Variants in LIFR observed in about 807,000 individuals in gnomAD.
LIFR encodes leukemia inhibitory factor receptor.
LIFR carries 84 observed loss-of-function variants against 122.2 expected under a neutral mutation model. The ratio of observed to expected loss-of-function variants is 0.69; its 90% CI spans 0.58 to 0.82. The LOEUF is 0.82. LIFR is among the 40% of genes least tolerant of loss of function. The pLI, the probability that LIFR is intolerant of heterozygous loss-of-function variation, is 0.00. For synonymous variants in LIFR, 422 were observed against 434.7 expected (o/e 0.97, Z 0.36); for missense variants, 1,294 against 1,311.6 (o/e 0.99, Z 0.21).
intron 13 of LIFR, among the ~76,000 whole-genome samples, chr5:38,494,373 C>G (rs540284065): frequency 6.6e-6 from 1 of 151,950 alleles, no homozygotes; most frequent in Non-Finnish European, 1.5e-5. Flanking sequence ...GTGGAGACAC[C>G]CAGAGGCGAT....
At chr5:38,568,582 G>A (rs1023355879) in intron 1 of LIFR, among the ~76,000 whole-genome samples, 1 of 152,156 alleles carries the variant, frequency 6.6e-6, no homozygotes, top group Non-Finnish European at 1.5e-5. Context: ...AGATTATAGG[G>A]GTCAAGAAGA....
intron 11 of LIFR, among the ~76,000 whole-genome samples, chr5:38,500,859 T>C (rs1477590486): frequency 2.6e-5 from 4 of 152,128 alleles, no homozygotes; most frequent in African/African-American, 4.8e-5. Flanking sequence ...GACATAATGG[T>C]ATGTTACTTC....
rs951348872 is a variant in LIFR, at chr5:38,556,631, C to G, written c.-317G>C. 6.8e-6 allele frequency: 1 copy of G among 148,022 alleles called. No homozygotes were observed. Among genetic ancestry groups the G allele is most frequent in the Non-Finnish European group, 1.5e-5 (1 of 66,520 alleles). The allele number at this position is 148,022 out of a possible 1,614,324, so 9.2% of individuals were successfully genotyped here. ...GTAACGGCCACCGCCACGGCCGAGT[C>G]GCTCCAGCCGGGACTGCGGCGCGCG... On this transcript the variant is annotated 5_prime_UTR_variant, in exon 1 of 20. Transcript: ENST00000453190.
In LIFR at chr5:38,528,861, C is replaced by T. The variant is rs538329106; in HGVS notation, c.143-21G>A. 61 of 1,004,928 alleles carry T rather than the reference C, an allele frequency of 6.1e-5. 2 individuals are homozygous for T. In the East Asian group the frequency reaches 9.2e-4, roughly 15 times the overall value. 62.3% of individuals were successfully genotyped at this position (1,004,928 alleles called of 1,614,324 possible). The stretch of plus-strand genomic sequence containing the variant: ...AGCCCCTGGAGGAGACACACACACA[C>T]ACACACACACACACACAGACACACA... On this transcript the variant is annotated intron_variant, in intron 2 of 19. Transcript: ENST00000453190.
At chr5:38,506,820 G>C (rs534961262) in intron 7 of LIFR, among the ~76,000 whole-genome samples, 188 bp from the exon 8 acceptor site, 10 of 152,210 alleles carry the variant, frequency 6.6e-5, no homozygotes, top group Admixed American at 1.3e-4. Context: ...TATTACATTA[G>C]AATTGACAGA....
intron 13 of LIFR, 45 bp downstream of exon 13, chr5:38,496,337 C>A: frequency 7.1e-7 from 1 of 1,417,370 alleles, no homozygotes; most frequent in Non-Finnish European, 1.0e-6. Flanking sequence ...ACATTTCTCA[C>A]TTTAGTTTCC....
chr5:38,489,362 T>A, intron 15 of LIFR, 117 bp from the exon 16 acceptor site: 2 of 868,824 alleles, frequency 2.3e-6, no homozygotes, highest in Non-Finnish European at 1.8e-6. Flanking sequence ...AAACTTTATT[T>A]AATCATAAAC....
intron 2 of LIFR, among the ~76,000 whole-genome samples, chr5:38,603,604 A>T (rs866563860): frequency 6.6e-6 from 1 of 152,124 alleles, no homozygotes; most frequent in African/African-American, 2.4e-5. Flanking sequence ...ACAAAGGGTG[A>T]TGTGGGAAAA....
intron 7 of LIFR, among the ~76,000 whole-genome samples, chr5:38,509,506 C>T (rs1006935936): frequency 4.6e-5 from 7 of 152,162 alleles, no homozygotes; most frequent in South Asian, 2.1e-4. Flanking sequence ...AAATTCATCA[C>T]GAAGTACTGT....
intron 1 of LIFR, among the ~76,000 whole-genome samples, chr5:38,569,124 C>A (rs1039415483): frequency 6.6e-6 from 1 of 152,206 alleles, no homozygotes; most frequent in Non-Finnish European, 1.5e-5. Context: ...TATCGCAACA[C>A]CCTGGTACCA....
At chr5:38,579,445 T>C (rs911166901) in intron 1 of LIFR, 4 of 151,574 alleles carry the variant, frequency 2.6e-5, no homozygotes, top group Admixed American at 2.6e-4. Flanking sequence ...TCAAATATTT[T>C]TGGAAAAAAA....
At chr5:38,605,093 A>G (rs1012543514) in intron 2 of LIFR, among the ~76,000 whole-genome samples, 3 of 152,138 alleles carry the variant, frequency 2.0e-5, no homozygotes, top group African/African-American at 7.2e-5. Flanking sequence ...AATAGACTAT[A>G]AAGGTTTCTT....
intron 1 of LIFR, among the ~76,000 whole-genome samples, chr5:38,553,013 C>A (rs1435088016): frequency 1.4e-4 from 22 of 152,208 alleles, no homozygotes; most frequent in Non-Finnish European, 7.3e-5. Flanking sequence ...ATCTTTCCCA[C>A]GTCTGTAAAC....
At chr5:38,585,442 C>T (rs961980985) in intron 1 of LIFR, among the ~76,000 whole-genome samples, 7 of 152,170 alleles carry the variant, frequency 4.6e-5, no homozygotes, top group South Asian at 4.1e-4. Flanking sequence ...GTTTGGAGGT[C>T]GCTTTAACAT....
At chr5:38,542,125 T>C (rs1000169167) in intron 1 of LIFR, among the ~76,000 whole-genome samples, 1 of 152,218 alleles carries the variant, frequency 6.6e-6, no homozygotes, top group Non-Finnish European at 1.5e-5. Flanking sequence ...GTTTTATTAC[T>C]GCCCAAGTCA....
In LIFR at chr5:38,509,604, T is replaced by C. The variant is rs1745683980; in HGVS notation, c.991+860A>G. Among the ~76,000 whole-genome samples, 3 of 151,788 alleles carry C rather than the reference T, an allele frequency of 2.0e-5. No homozygotes were observed. The South Asian group carries it at 6.2e-4, about 31-fold the overall frequency. On this transcript the variant is annotated intron_variant, in intron 7 of 19. Coordinates refer to ENST00000453190, the MANE Select transcript of LIFR (RefSeq NM_001127671.2). ...AAAAGCACTAAGGAATCAAAAGAAA[T>C]ATCATAAAATCTAGTCAATCTATCT...
At chr5:38,507,764 T>A (rs1406020932) in intron 7 of LIFR, among the ~76,000 whole-genome samples, 3 of 151,292 alleles carry the variant, frequency 2.0e-5, no homozygotes, top group Non-Finnish European at 2.9e-5. Flanking sequence ...TTCTGTAAAA[T>A]TTTTTTTTCA....
chr5:38,511,826 C>T lies in LIFR; in HGVS notation c.700G>A (p.Glu234Lys). The change falls in exon 6 of 20, where the codon GAG becomes AAG. Residue 234 changes from glutamate to lysine, a missense_variant. Coordinates refer to ENST00000453190, the MANE Select transcript of LIFR (RefSeq NM_001127671.2). ...TTCACAGGGCTCCAGTCACTCCACT[C>T]TTCGAGACCAGAAAAATGAAGATTG... Reference protein sequence around the residue: ...IDNLHFSGLEEWSDWSPVKNI... With the variant: ...IDNLHFSGLEKWSDWSPVKNI... 2 of 1,614,118 alleles carry T rather than the reference C, an allele frequency of 1.2e-6. No individual in the cohort carries two copies. The highest frequency in any genetic ancestry group is 1.7e-6 in the Non-Finnish European group (2 of 1,179,996).
intron 1 of LIFR, among the ~76,000 whole-genome samples, chr5:38,588,211 C>CA (rs2112756481): frequency 6.6e-6 from 1 of 152,262 alleles, no homozygotes; most frequent in South Asian, 2.1e-4. Context: ...AAGGTTAAGC[C>CA]ACTAGCCCAA....
Sources: gnomAD v4.1 joint callset for allele counts (sites outside exome capture counted in the v4.1 genomes callset) on GRCh38, gnomAD v4.1.1 for gene constraint, MANE v1.5 for transcripts, NCBI Gene and HGNC (gene_info 2026-07-23, HGNC 2026-07-21) for gene names.